Variants in KLF17 observed in about 807,000 individuals in gnomAD.
KLF17 encodes KLF transcription factor 17.
In KLF17, 31 loss-of-function variants were observed where a neutral mutation model predicts 34.2. The ratio of observed to expected loss-of-function variants is 0.91; its 90% CI spans 0.68 to 1.22. The LOEUF (loss-of-function observed/expected upper bound fraction) is 1.22. Among genes scored for constraint, KLF17 ranks in the 50% most tolerant of loss-of-function variants. The pLI, the probability that KLF17 is intolerant of heterozygous loss-of-function variation, is 0.00. For missense variants in KLF17, 478 were observed against 505.2 expected (o/e 0.95, Z 0.52); for synonymous variants, 179 against 186.7 (o/e 0.96, Z 0.34).
the KLF17 span, among the ~76,000 whole-genome samples, chr1:44,092,549 G>T: frequency 1.3e-5 from 2 of 151,488 alleles, no homozygotes; most frequent in Non-Finnish European, 2.9e-5. Context: ...TGAAGCAGAA[G>T]AAAAATGCTG....
the KLF17 span, among the ~76,000 whole-genome samples, chr1:44,071,886 G>A: frequency 6.6e-6 from 1 of 152,028 alleles, no homozygotes; most frequent in African/African-American, 2.4e-5. Flanking sequence ...TGCTCCGGTA[G>A]TAGTTAACTA....
At chr1:44,094,476 G>A in the KLF17 span, among the ~76,000 whole-genome samples, 6 of 152,034 alleles carry the variant, frequency 3.9e-5, no homozygotes, top group Non-Finnish European at 5.9e-5. Context: ...CATAGTTTCC[G>A]GTCTTAGGTT....
At chr1:44,119,839 C>T (rs1301958335) in intron 1 of KLF17, among the ~76,000 whole-genome samples, 1 of 152,234 alleles carries the variant, frequency 6.6e-6, no homozygotes, top group African/African-American at 2.4e-5. Context: ...TGAGTTTAAA[C>T]ATAATCTGTC....
chr1:44,087,765 TATATAC>T, the KLF17 span, among the ~76,000 whole-genome samples: 556 of 55,286 alleles, frequency 0.01, 1 homozygote, highest in East Asian at 0.031. Context: ...TATATATATA[TATATAC>T]ACACACACAC....
chr1:44,059,935 C>T, the KLF17 span, among the ~76,000 whole-genome samples: 2 of 152,062 alleles, frequency 1.3e-5, no homozygotes, highest in Admixed American at 6.6e-5. Context: ...GGTGGGAGCA[C>T]TGTTCCTTCT....
At chr1:44,079,722 T>C in the KLF17 span, among the ~76,000 whole-genome samples, 8 of 152,284 alleles carry the variant, frequency 5.3e-5, no homozygotes, top group African/African-American at 1.9e-4. Context: ...ATTTCATATA[T>C]GGTATGAGAT....
chr1:44,045,896 C>T, the KLF17 span: 1 of 92,990 alleles, frequency 1.1e-5, no homozygotes, highest in Non-Finnish European at 2.9e-5. Flanking sequence ...CAGAATCACA[C>T]ATATCACACA....
upstream of KLF17, chr1:44,115,450 C>CAAAAAAAAAAAAAAAAAAAAAAA (rs34620805): frequency 6.7e-5 from 5 of 74,674 alleles, no homozygotes; most frequent in Non-Finnish European, 7.0e-5. Flanking sequence ...GACTCTGTGT[C>CAAAAAAAAAAAAAAAAAAAAAAA]AAAAAAAAAA....
the KLF17 span, chr1:44,088,475 A>T: frequency 6.6e-6 from 1 of 152,280 alleles, no homozygotes; most frequent in South Asian, 2.1e-4. Context: ...TGCAGGCCGG[A>T]TCAGAAATGG....
the KLF17 span, among the ~76,000 whole-genome samples, chr1:44,109,892 T>A: frequency 7.0e-6 from 1 of 143,110 alleles, no homozygotes; most frequent in Admixed American, 7.8e-5. Flanking sequence ...TATATCTTTT[T>A]TATACTTTTT....
the KLF17 span, chr1:44,051,581 T>G: frequency 8.6e-5 from 13 of 150,600 alleles, no homozygotes; most frequent in African/African-American, 3.2e-4. Context: ...TAAAAGTCCC[T>G]CATCATTTGG....
At chr1:44,050,916 T>TA in the KLF17 span, 215 of 149,282 alleles carry the variant, frequency 1.4e-3, 1 homozygote, top group African/African-American at 2.5e-3. Flanking sequence ...GACTCCGTCT[T>TA]AAAAAAAAAA....
chr1:44,071,443 G>A, the KLF17 span, among the ~76,000 whole-genome samples: 1 of 152,028 alleles, frequency 6.6e-6, no homozygotes. Context: ...AATTCACTAA[G>A]TCCAAAATTG....
chr1:44,104,698 G>A, the KLF17 span: 1 of 389,590 alleles, frequency 2.6e-6, no homozygotes, highest in African/African-American at 2.1e-5. Flanking sequence ...CACTCGTATA[G>A]GAGCGGCATA....
At chr1:44,099,861 G>A in the KLF17 span, among the ~76,000 whole-genome samples, 24 of 100,792 alleles carry the variant, frequency 2.4e-4, no homozygotes, top group African/African-American at 9.6e-4. Context: ...AAGAAAGAAA[G>A]AAAGAAAGAA....
chr1:44,078,509 C>T, the KLF17 span, among the ~76,000 whole-genome samples: 1 of 150,794 alleles, frequency 6.6e-6, no homozygotes, highest in African/African-American at 2.4e-5. Context: ...GCAATCTCGG[C>T]TCACTGCAAC....
At chr1:44,122,485 A>G (rs2087959380) in intron 1 of KLF17, 5 of 1,104,652 alleles carry the variant, frequency 4.5e-6, no homozygotes, top group Non-Finnish European at 7.0e-6. Flanking sequence ...TCATGACTCA[A>G]TTTCATCAAA....
chr1:44,122,006 CA>C, intron 1 of KLF17: 1 of 644,002 alleles, frequency 1.6e-6, no homozygotes, highest in Non-Finnish European at 2.7e-6. Flanking sequence ...TTAGGGATGG[CA>C]AAATAAATTT....
At chr1:44,097,869 T>C in the KLF17 span, among the ~76,000 whole-genome samples, 3 of 152,224 alleles carry the variant, frequency 2.0e-5, no homozygotes, top group African/African-American at 7.2e-5. Context: ...TCTATTGAAA[T>C]GATCTTATGG....
Sources: allele counts gnomAD v4.1 joint callset (sites outside exome capture counted in the v4.1 genomes callset), GRCh38; gene constraint gnomAD v4.1.1; transcripts MANE v1.5; gene names NCBI Gene and HGNC (gene_info 2026-07-23, HGNC 2026-07-21).